LRRC4C: variants seen among roughly 807,000 people sequenced by gnomAD.
LRRC4C encodes leucine rich repeat containing 4C.
LRRC4C carries 5 observed loss-of-function variants against 33.6 expected under a neutral mutation model. The observed-to-expected ratio is 0.15, with a 90% CI of 0.08 to 0.31. The LOEUF (loss-of-function observed/expected upper bound fraction) is 0.31, where lower values mean the gene tolerates loss of function less well. LRRC4C is among the 10% of genes least tolerant of loss of function. The pLI is 1.00. For synonymous variants in LRRC4C, 329 were observed against 302.0 expected (o/e 1.09, Z -0.93); for missense variants, 560 against 796.7 (o/e 0.70, Z 3.58).
chr11:41,341,210 T>C (rs2137468553), intron 1 of LRRC4C, among the ~76,000 whole-genome samples: 1 of 152,294 alleles, frequency 6.6e-6, no homozygotes, highest in African/African-American at 2.4e-5. Flanking sequence ...AAAAGACTGA[T>C]AGCTCTCTTT....
rs1942544980 is a variant in LRRC4C, at chr11:41,123,261, G to GC, written c.-495-189539_-495-189538insG. 6.2e-5 allele frequency among the ~76,000 whole-genome samples: 3 copies of GC among 48,104 alleles called. No homozygotes were observed. In the South Asian group the frequency reaches 2.5e-3, roughly 40 times the overall value. The allele number at this position is 48,104 out of a possible 152,430, so 31.6% of individuals were successfully genotyped here. ...CTTTCTCTATCCTGAGCTATGTTTT[G>GC]TTTTTTTTTTTTTTTTTTTTTTTTT... On this transcript the variant is annotated intron_variant, in intron 1 of 6. Transcript: ENST00000528697.
At chr11:41,006,952 C>T (rs114828665) in intron 1 of LRRC4C, among the ~76,000 whole-genome samples, 77 of 151,908 alleles carry the variant, frequency 5.1e-4, no homozygotes, top group African/African-American at 1.8e-3. Context: ...AAGGTAGAAA[C>T]GAAAGCATAT....
At position 40,802,828 on chromosome 11, in the gene LRRC4C, A is replaced by G. The variant is rs558103690; in HGVS notation, c.-407+130807T>C. ...TAACTTAATAAAAATTCCCAGAAGT[A>G]AAGTCTATTAGTTTCCAAATTTAGA... On this transcript the variant is annotated intron_variant, in intron 2 of 6. Transcript: ENST00000528697. 2.6e-5 allele frequency among the ~76,000 whole-genome samples: 4 copies of G among 152,356 alleles called. No individual in the cohort carries two copies. In the East Asian group the frequency reaches 5.8e-4, roughly 22 times the overall value.
intron 4 of LRRC4C, among the ~76,000 whole-genome samples, chr11:40,284,087 T>C (rs978118529): frequency 6.6e-6 from 1 of 152,194 alleles, no homozygotes; most frequent in Admixed American, 6.5e-5. Flanking sequence ...ATCACAAATA[T>C]ATGAACAAAA....
At chr11:41,216,903 C>T (rs868723463) in intron 1 of LRRC4C, among the ~76,000 whole-genome samples, 2 of 152,128 alleles carry the variant, frequency 1.3e-5, no homozygotes, top group Non-Finnish European at 2.9e-5. Flanking sequence ...TTATATTGCT[C>T]ACTTGATTCT....
At chr11:40,952,560 A>G (rs1178715614) in intron 1 of LRRC4C, among the ~76,000 whole-genome samples, 1 of 151,956 alleles carries the variant, frequency 6.6e-6, no homozygotes, top group Admixed American at 6.6e-5. Flanking sequence ...TATTTCAGCA[A>G]TGCAAATGTA....
At chr11:41,409,163 C>T (rs1252533374) in intron 1 of LRRC4C, among the ~76,000 whole-genome samples, 4 of 152,144 alleles carry the variant, frequency 2.6e-5, no homozygotes, top group Non-Finnish European at 4.4e-5. Context: ...CAGGGGCAAC[C>T]TCTTGGAACT....
intron 2 of LRRC4C, among the ~76,000 whole-genome samples, chr11:40,757,928 T>C (rs1949028623): frequency 6.6e-6 from 1 of 152,036 alleles, no homozygotes; most frequent in African/African-American, 2.4e-5. Flanking sequence ...CAAGATACTT[T>C]TGTTATTTTA....
In LRRC4C at chr11:40,319,688, A is replaced by G. The variant is rs1945745985; in HGVS notation, c.-236T>C. Reference sequence around the variant, plus strand: ...TGAGAAAACTCAAAGAAGTTTAATAAGTGCTCTGGATTTCTGCAGATACTT... The same window carrying G: ...TGAGAAAACTCAAAGAAGTTTAATAGGTGCTCTGGATTTCTGCAGATACTT... On this transcript the variant is annotated 5_prime_UTR_variant, in exon 4 of 7. Transcript: ENST00000528697. The G allele has an allele frequency of 6.6e-6, 1 of 152,216 alleles. No homozygotes were observed. Among genetic ancestry groups the G allele is most frequent in the South Asian group, 2.1e-4 (1 of 4,834 alleles). The allele number at this position is 152,216 out of a possible 1,614,324, so 9.4% of individuals were successfully genotyped here.
At chr11:40,987,500 G>T (rs1158765138) in intron 1 of LRRC4C, among the ~76,000 whole-genome samples, 1 of 151,442 alleles carries the variant, frequency 6.6e-6, no homozygotes, top group East Asian at 2.0e-4. Context: ...TAACTGGCAT[G>T]CTTCATCCAG....
At position 41,068,166 on chromosome 11, in the gene LRRC4C, G is replaced by A. The variant is rs549903921; in HGVS notation, c.-495-134443C>T. ...CCAGCATTTTGGGAGGCCGAGGCAG[G>A]CAGATCACCTGAGGTCAGGAGTTCA... On this transcript the variant is annotated intron_variant, in intron 1 of 6. Coordinates refer to ENST00000528697, the MANE Select transcript of LRRC4C (RefSeq NM_001258419.2). 2.6e-5 allele frequency among the ~76,000 whole-genome samples: 4 copies of A among 152,308 alleles called. No homozygotes were observed. The East Asian group carries it at 7.7e-4, about 29-fold the overall frequency.
intron 3 of LRRC4C, among the ~76,000 whole-genome samples, chr11:40,447,352 G>T (rs550730039): frequency 6.6e-6 from 1 of 152,286 alleles, no homozygotes; most frequent in Non-Finnish European, 1.5e-5. Flanking sequence ...TCCAACCCCA[G>T]ACCAGCAGAG....
intron 3 of LRRC4C, among the ~76,000 whole-genome samples, chr11:40,320,324 T>C (rs1306853441): frequency 6.6e-6 from 1 of 151,944 alleles, no homozygotes; most frequent in Admixed American, 6.6e-5. Flanking sequence ...TCTAACACGG[T>C]GAAACCCCAT....
chr11:41,206,072 G>C (rs1946590577), intron 1 of LRRC4C, among the ~76,000 whole-genome samples: 1 of 152,060 alleles, frequency 6.6e-6, no homozygotes, highest in African/African-American at 2.4e-5. Flanking sequence ...ATACAACATA[G>C]AAAAGCTTTT....
intron 3 of LRRC4C, among the ~76,000 whole-genome samples, chr11:40,624,147 G>A (rs1418790591): frequency 6.6e-6 from 1 of 151,996 alleles, no homozygotes; most frequent in Admixed American, 6.6e-5. Context: ...TGGTCAGTGT[G>A]TTCCACCCTT....
intron 4 of LRRC4C, among the ~76,000 whole-genome samples, chr11:40,260,687 T>C (rs16934652): frequency 0.021 from 3,265 of 152,238 alleles, 113 homozygotes; most frequent in African/African-American, 0.075. Context: ...CCATCATTTG[T>C]GTAACCAAAT....
Position 41,145,315 on chromosome 11 carries a change from C to A in LRRC4C, c.-495-211592G>T, listed in dbSNP as rs564917831. Among the ~76,000 whole-genome samples the A allele has an allele frequency of 2.0e-5, 3 of 152,184 alleles. No individual in the cohort carries two copies. In the South Asian group the frequency reaches 6.2e-4, roughly 32 times the overall value. On this transcript the variant is annotated intron_variant, in intron 1 of 6. Coordinates refer to ENST00000528697, the MANE Select transcript of LRRC4C (RefSeq NM_001258419.2). ...TTTTCATTTGAGTTTATTAGTGAAG[C>A]TGAACATTTCTTATTATGTTTTTTA...
chr11:41,100,250 C>T (rs1941084210), intron 1 of LRRC4C, among the ~76,000 whole-genome samples: 1 of 152,016 alleles, frequency 6.6e-6, no homozygotes, highest in South Asian at 2.1e-4. Context: ...GTTTCATGCT[C>T]ATGGAGAGGG....
chr11:41,065,547 A>G (rs1938167770), intron 1 of LRRC4C, among the ~76,000 whole-genome samples: 1 of 152,168 alleles, frequency 6.6e-6, no homozygotes, highest in Non-Finnish European at 1.5e-5. Flanking sequence ...TTCTCCCAGC[A>G]TAGCGCACCA....
Sources: gnomAD v4.1 joint callset for allele counts (sites outside exome capture counted in the v4.1 genomes callset) on GRCh38, gnomAD v4.1.1 for gene constraint, MANE v1.5 for transcripts, NCBI Gene and HGNC (gene_info 2026-07-23, HGNC 2026-07-21) for gene names.